The following CHAD variants were observed in gnomAD, a reference collection of about 807,000 sequenced individuals.
CHAD encodes the protein cartilage leucine-rich protein.
In CHAD, 18 loss-of-function variants were observed where a neutral mutation model predicts 24.0. The ratio of observed to expected loss-of-function variants is 0.75; its 90% CI spans 0.52 to 1.11. The LOEUF is 1.11. CHAD is among the 50% of genes most tolerant of loss of function. The pLI, the probability that CHAD is intolerant of heterozygous loss-of-function variation, is 0.00. For missense variants in CHAD, 440 were observed against 467.2 expected, an observed-to-expected ratio of 0.94 and a Z score of 0.54; for synonymous variants, 195 against 211.6, an observed-to-expected ratio of 0.92 and a Z score of 0.68.
rs775329142 is a variant in CHAD, at chr17:50,468,070, G to C, written c.744C>G (p.Thr248=). ...CCAGGTTGGTGTTGTCCAGCCAGAG[G>C]GTCTCCAGGTATCTGCCAAAGGACT... ...AFQSFGRYLE[T]LWLDNTNLEK... is the part of the protein sequence containing the mutation. Residue 248 remains threonine, a synonymous_variant, in exon 1 of 4, where the codon ACC becomes ACG. Coordinates refer to ENST00000508540, the MANE Select transcript of CHAD (RefSeq NM_001267.3). 4.4e-6 allele frequency: 7 copies of C among 1,606,190 alleles called. No individual in the cohort carries two copies. The African/African-American group carries it at 8.0e-5, about 18-fold the overall frequency.
intron 3 of CHAD, 41 bp downstream of exon 3, chr17:50,465,253 A>G (rs2143741461): frequency 6.2e-7 from 1 of 1,611,576 alleles, no homozygotes; most frequent in African/African-American, 1.3e-5. Flanking sequence ...TGCTGGAATC[A>G]CCAAAGAGGG....
At position 50,465,729 on chromosome 17, in the gene CHAD, A is replaced by T. The variant is rs1170034466; in HGVS notation, c.916T>A (p.Cys306Ser). 1 of 1,613,684 alleles carries T rather than the reference A, an allele frequency of 6.2e-7. No homozygotes were observed. Among genetic ancestry groups the T allele is most frequent in the Admixed American group, 1.7e-5 (1 of 59,928 alleles). ...ALTNNPWKCTCQLRGLRRWLE... is the reference protein window; with the variant it reads ...ALTNNPWKCTSQLRGLRRWLE... ...TACCGCCGAAGGCCCCGGAGCTGGC[A>T]GGTACACTTCCAGGGGTTATTGGTA... is the stretch of plus-strand genomic sequence containing the variant. The change falls in exon 2 of 4, where the codon TGC (cysteine) becomes AGC (serine). Residue 306 changes from cysteine to serine, a missense_variant. Cys to Ser is a moderately radical substitution (Grantham distance 112). Transcript: ENST00000508540.
In CHAD at chr17:50,465,290, C is replaced by T. The variant is rs2143741955; in HGVS notation, c.*4+4G>A. On this transcript the variant is annotated splice_donor_region_variant and intron_variant, in intron 3 of 3. Coordinates refer to ENST00000508540, the MANE Select transcript of CHAD (RefSeq NM_001267.3). ...CATAGGGGACCTGTTTACCTGGCCC[C>T]CACCTGTTTAATGGCGGCCAGCTTT... 1 of 1,614,010 alleles carries T rather than the reference C, an allele frequency of 6.2e-7. No homozygotes were observed. Among genetic ancestry groups the T allele is most frequent in the Non-Finnish European group, 8.5e-7 (1 of 1,179,990 alleles).
At chr17:50,467,805 A>G (rs1472539857) in intron 1 of CHAD, 7 of 497,890 alleles carry the variant, frequency 1.4e-5, no homozygotes, top group African/African-American at 5.8e-5. Context: ...GGGCAGTCCC[A>G]CTCCTTTTAT....
intron 1 of CHAD, 149 bp downstream of exon 1, chr17:50,467,891 G>T (rs1015358786): frequency 4.2e-6 from 3 of 712,868 alleles, no homozygotes; most frequent in Non-Finnish European, 4.6e-6. Flanking sequence ...ACAAGGCGAG[G>T]AAGGGAGGTG....
At position 50,464,560 on chromosome 17, in the gene CHAD, G is replaced by A; in HGVS notation, c.*494C>T. On this transcript the variant is annotated 3_prime_UTR_variant, in exon 4 of 4. Transcript: ENST00000508540. ...GAAGAAATTGCAGCATGGGAAGATGGACAGCAAAGCACCGATGTCCTGCTA... is the reference window on the plus strand; with the variant it reads ...GAAGAAATTGCAGCATGGGAAGATGAACAGCAAAGCACCGATGTCCTGCTA... 1.6e-6 allele frequency: 1 copy of A among 616,834 alleles called. No homozygotes were observed. Among genetic ancestry groups the A allele is most frequent in the Non-Finnish European group, 3.0e-6 (1 of 331,768 alleles). The allele number at this position is 616,834 out of a possible 1,614,324, so 38.2% of individuals were successfully genotyped here. A position where few individuals can be genotyped will look rare whatever the true frequency, so the allele number is the denominator to read the frequency against.
rs757006355 is a variant in CHAD at position 50,468,562 on chromosome 17, G to A, written c.252C>T (p.His84=). 1 of 1,614,238 alleles carries A rather than the reference G, an allele frequency of 6.2e-7. No individual in the cohort carries two copies. Among genetic ancestry groups the A allele is most frequent in the Non-Finnish European group, 8.5e-7 (1 of 1,180,028 alleles). ...CGGCGGCCACCTCGCGGATCTGGCA[G>A]TGCTGCAGGTGCAATGACACGAGGT... ...MPNLVSLHLQ[H]CQIREVAAGA... The change falls in exon 1 of 4, where the codon CAC becomes CAT. Residue 84 remains histidine (H), a synonymous_variant. Coordinates refer to ENST00000508540, the MANE Select transcript of CHAD (RefSeq NM_001267.3).
In CHAD at chr17:50,465,706, C is replaced by A. The variant is rs1377649322; in HGVS notation, c.938+1G>T. The A allele has an allele frequency of 1.2e-6, 2 of 1,613,156 alleles. No individual in the cohort carries two copies. The highest frequency in any genetic ancestry group is 1.3e-5 in the African/African-American group (1 of 74,552). On this transcript the variant is annotated splice_donor_variant, in intron 2 of 3. Transcript: ENST00000508540. LOFTEE classifies it high-confidence loss of function. ...TGGGAGTGACATGGAAGTGTTCTTACCGCCGAAGGCCCCGGAGCTGGCAGG... is the reference window on the plus strand; with the variant it reads ...TGGGAGTGACATGGAAGTGTTCTTAACGCCGAAGGCCCCGGAGCTGGCAGG...
Position 50,465,883 on chromosome 17 carries a change from G to A in CHAD, c.775-13C>T, listed in dbSNP as rs1373436043. The A allele has an allele frequency of 6.2e-7, 1 of 1,613,166 alleles. No individual in the cohort carries two copies. Among genetic ancestry groups the A allele is most frequent in the Non-Finnish European group, 8.5e-7 (1 of 1,179,590 alleles). On this transcript the variant is annotated splice_polypyrimidine_tract_variant and intron_variant, in intron 1 of 3. Coordinates refer to ENST00000508540, the MANE Select transcript of CHAD (RefSeq NM_001267.3). ...CACCATCTGAGAACTGGGGAGCAAGGTGGGAGCAAGGTGGGAGCAAGGTGG... is the reference window on the plus strand; with the variant it reads ...CACCATCTGAGAACTGGGGAGCAAGATGGGAGCAAGGTGGGAGCAAGGTGG...
At position 50,468,590 on chromosome 17, in the gene CHAD, G is replaced by C; in HGVS notation, c.224C>G (p.Pro75Arg). ...VLAANSFRAM[P>R]NLVSLHLQHC... ...CTGCAGGTGCAATGACACGAGGTTC[G>C]GCATGGCCCGGAACGAATTGGCAGC... The change falls in exon 1 of 4, where the codon CCG becomes CGG. Residue 75 changes from proline (P) to arginine (R), a missense_variant. Physicochemically the swap from Pro to Arg is moderately radical, Grantham distance 103. Transcript: ENST00000508540. 7 of 1,614,156 alleles carry C rather than the reference G, an allele frequency of 4.3e-6. No individual in the cohort carries two copies. The highest frequency in any genetic ancestry group is 5.9e-6 in the Non-Finnish European group (7 of 1,179,974).
chr17:50,466,747 A>G (rs925719693), intron 1 of CHAD, among the ~76,000 whole-genome samples: 5 of 152,310 alleles, frequency 3.3e-5, no homozygotes, highest in Non-Finnish European at 4.4e-5. Flanking sequence ...GGACGGCTCC[A>G]GAGGAAATGT....
chr17:50,468,671 T>C lies in CHAD; in HGVS notation c.143A>G (p.Lys48Arg), dbSNP rs142134106. The C allele has an allele frequency of 2.9e-5, 46 of 1,613,996 alleles. No individual in the cohort carries two copies. The highest frequency in any genetic ancestry group is 3.6e-5 in the Non-Finnish European group (43 of 1,180,046). Residue 48 changes from lysine (K) to arginine (R), a missense_variant, in exon 1 of 4, where the codon AAG (lysine) becomes AGG (arginine). By Grantham distance (26) the Lys-to-Arg change is conservative. Transcript: ENST00000508540. ...CDKVGLQKIPKVSEKTKLLNL... is the reference protein window; with the variant it reads ...CDKVGLQKIPRVSEKTKLLNL... ...GAGCAGCTTGGTCTTCTCTGACACC[T>C]TGGGGATCTTCTGCAGCCCCACCTT...
In CHAD at chr17:50,468,708, C is replaced by G; in HGVS notation, c.106G>C (p.Val36Leu). The change falls in exon 1 of 4, where the codon GTC becomes CTC. Residue 36 changes from valine (V) to leucine (L), a missense_variant. By Grantham distance (32) the Val-to-Leu change is conservative. Transcript: ENST00000508540. ...TGCAGCCCCACCTTGTCGCAGATGA[C>G]GTGCTGCAGGTCGCTGTGGCAGTGG... ...NCHCHSDLQH[V>L]ICDKVGLQKI... is the part of the protein sequence containing the mutation. The G allele has an allele frequency of 6.2e-7, 1 of 1,612,964 alleles. No homozygotes were observed. The highest frequency in any genetic ancestry group is 8.5e-7 in the Non-Finnish European group (1 of 1,179,972).
At position 50,468,569 on chromosome 17, in the gene CHAD, AG is replaced by A; in HGVS notation, c.244del (p.Leu82CysfsTer41). ...RAMPNLVSLH[L>X]QHCQIREVAA... ...CACCTCGCGGATCTGGCAGTGCTGC[AG>A]GTGCAATGACACGAGGTTCGGCATG... On this transcript the variant is annotated frameshift_variant, in exon 1 of 4. Coordinates refer to ENST00000508540, the MANE Select transcript of CHAD (RefSeq NM_001267.3). LOFTEE classifies it high-confidence loss of function. 6.2e-7 allele frequency: 1 copy of A among 1,614,232 alleles called. No individual in the cohort carries two copies. Among genetic ancestry groups the A allele is most frequent in the Non-Finnish European group, 8.5e-7 (1 of 1,180,014 alleles).
At chr17:50,466,358 G>A (rs1239518922) in intron 1 of CHAD, among the ~76,000 whole-genome samples, 1 of 152,146 alleles carries the variant, frequency 6.6e-6, no homozygotes, top group Non-Finnish European at 1.5e-5. Context: ...CAAAGTGCTG[G>A]GATTACAGGC....
Position 50,465,329 on chromosome 17 carries a change from G to A in CHAD, c.1049C>T (p.Thr350Ile), listed in dbSNP as rs2231510. 6,995 of 1,614,038 alleles carry A rather than the reference G, an allele frequency of 4.3e-3. 283 individuals are homozygous for A. In the African/African-American group the frequency reaches 0.081, roughly 19 times the overall value. ...TDAFRSCKFP[T>I]KRSKKAGRH ...GCGGCCAGCTTTCTTGGACCTCTTG[G>A]TGGGGAACTTGCAGCTGCGGAAGGC... The change falls in exon 3 of 4, where the codon ACC becomes ATC. Residue 350 changes from threonine (T) to isoleucine (I), a missense_variant. Physicochemically the swap from Thr to Ile is moderately conservative, Grantham distance 89. Coordinates refer to ENST00000508540, the MANE Select transcript of CHAD (RefSeq NM_001267.3).
rs756324915 is a variant in CHAD, at chr17:50,468,676, G to C, written c.138C>G (p.Ile46Met). 1.2e-6 allele frequency: 2 copies of C among 1,614,060 alleles called. No homozygotes were observed. Among genetic ancestry groups the C allele is most frequent in the South Asian group, 1.1e-5 (1 of 91,090 alleles). The change falls in exon 1 of 4, where the codon ATC becomes ATG. Residue 46 changes from isoleucine to methionine, a missense_variant. By Grantham distance (10) the Ile-to-Met change is conservative. Coordinates refer to ENST00000508540, the MANE Select transcript of CHAD (RefSeq NM_001267.3). Reference protein sequence around the residue: ...VICDKVGLQKIPKVSEKTKLL... With the variant: ...VICDKVGLQKMPKVSEKTKLL... ...GCTTGGTCTTCTCTGACACCTTGGG[G>C]ATCTTCTGCAGCCCCACCTTGTCGC...
chr17:50,465,807 A>G lies in CHAD; in HGVS notation c.838T>C (p.Leu280=), dbSNP rs34459629. 1,159 of 1,613,836 alleles carry G rather than the reference A, an allele frequency of 7.2e-4. 10 individuals are homozygous for G. In the African/African-American group the frequency reaches 0.014, roughly 20 times the overall value. The part of the protein sequence containing the change: ...LKHVHLENNR[L]NQLPSNFPFD... ...GGGAAGTTGGAGGGTAGCTGGTTCA[A>G]GCGGTTGTTCTCCAAATGGACGTGT... Residue 280 remains leucine, a synonymous_variant, in exon 2 of 4, where the codon TTG becomes CTG. Coordinates refer to ENST00000508540, the MANE Select transcript of CHAD (RefSeq NM_001267.3).
intron 1 of CHAD, chr17:50,467,779 G>A (rs560649413): frequency 2.5e-5 from 10 of 404,624 alleles, no homozygotes; most frequent in East Asian, 1.9e-4. Context: ...GCCCTAGGGG[G>A]CCTTTTGTGG....
Sources: gnomAD v4.1 joint callset for allele counts (sites outside exome capture counted in the v4.1 genomes callset) on GRCh38, gnomAD v4.1.1 for gene constraint, MANE v1.5 for transcripts, NCBI Gene and HGNC (gene_info 2026-07-23, HGNC 2026-07-21) for gene names.